The following SLC18A1 variants were observed in gnomAD, a reference collection of about 807,000 sequenced individuals.
SLC18A1 encodes the protein solute carrier family 18 member A1, also known as chromaffin granule amine transporter.
In SLC18A1, 69 loss-of-function variants were observed where a neutral mutation model predicts 53.7. That is an observed-to-expected ratio of 1.28 (90% CI 1.06 to 1.57). SLC18A1 has a LOEUF of 1.57. SLC18A1 is among the 40% of genes most tolerant of loss of function. SLC18A1 has a pLI of 0.00. For synonymous variants in SLC18A1, 320 were observed against 248.1 expected, an observed-to-expected ratio of 1.29 and a Z score of -2.72; for missense variants, 932 against 668.1, an observed-to-expected ratio of 1.40 and a Z score of -4.35.
intron 12 of SLC18A1, chr8:20,148,385 A>T: frequency 9.1e-7 from 1 of 1,100,892 alleles, no homozygotes; most frequent in Non-Finnish European, 1.2e-6. Flanking sequence ...TTCCATGGAT[A>T]CTTTCTCCCC....
chr8:20,178,584 G>A (rs2279708), intron 3 of SLC18A1, 91 bp from the exon 4 acceptor site: 509,042 of 938,188 alleles, frequency 0.54, 141,633 homozygotes, highest in Non-Finnish European at 0.58. Flanking sequence ...GAGCAGAAAT[G>A]CAGCTATTTG....
chr8:20,146,722 G>T (rs1446682450), intron 15 of SLC18A1, among the ~76,000 whole-genome samples: 1 of 151,944 alleles, frequency 6.6e-6, no homozygotes, highest in Non-Finnish European at 1.5e-5. Context: ...TACTTGGGAT[G>T]CCAAGGCAGG....
Position 20,147,602 on chromosome 8 carries a change from C to A in SLC18A1, c.1330+1G>T. ...TGGGGCACCAGGTCCTGCCAACATA[C>A]CTATAGCAAAGCCCATGCAAAAAGC... On this transcript the variant is annotated splice_donor_variant, in intron 14 of 15. Transcript: ENST00000276373. LOFTEE classifies it high-confidence loss of function. 6.2e-7 allele frequency: 1 copy of A among 1,614,128 alleles called. No individual in the cohort carries two copies. The highest frequency in any genetic ancestry group is 8.5e-7 in the Non-Finnish European group (1 of 1,179,994).
intron 8 of SLC18A1, among the ~76,000 whole-genome samples, chr8:20,166,133 G>A (rs1022851423): frequency 6.6e-6 from 1 of 151,720 alleles, no homozygotes; most frequent in Non-Finnish European, 1.5e-5. Flanking sequence ...TGACTCTAAA[G>A]ATTAATGACA....
chr8:20,168,443 GATAA>G lies in SLC18A1; in HGVS notation c.858+2656_858+2659del, dbSNP rs2072027865. On this transcript the variant is annotated intron_variant, in intron 8 of 15. Coordinates refer to ENST00000276373, the MANE Select transcript of SLC18A1 (RefSeq NM_003053.4). ...CCATGATTCTACACTGATAATATCA[GATAA>G]ATAAATGTTTTTTAAGTTTTTTGTG... 4.6e-5 allele frequency among the ~76,000 whole-genome samples: 7 copies of G among 152,144 alleles called. No homozygotes were observed. The South Asian group carries it at 1.5e-3, about 32-fold the overall frequency.
Position 20,179,282 on chromosome 8 carries a change from G to T in SLC18A1, c.327C>A (p.Thr109=), listed in dbSNP as rs756070451. 12 of 1,614,066 alleles carry T rather than the reference G, an allele frequency of 7.4e-6. No individual in the cohort carries two copies. The highest frequency in any genetic ancestry group is 1.6e-4 in the Middle Eastern group (1 of 6,084). ...TGGCTTCAGTGGCTGGAGGTGGGAT[G>T]GTGCTGGCAGTGTCATTCATCCATG... ...GIAWMNDTAS[T]IPPPATEAIS... Residue 109 remains threonine, a synonymous_variant, in exon 3 of 16, where the codon ACC becomes ACA. Transcript: ENST00000276373.
chr8:20,158,466 G>C (rs989806133), intron 10 of SLC18A1, among the ~76,000 whole-genome samples: 16 of 152,134 alleles, frequency 1.1e-4, no homozygotes, highest in African/African-American at 3.6e-4. Context: ...TAATCCTGAA[G>C]TCTGGGCAAC....
chr8:20,148,143 A>G (rs1266962191), intron 12 of SLC18A1, 73 bp from the exon 13 acceptor site: 1 of 1,317,576 alleles, frequency 7.6e-7, no homozygotes, highest in African/African-American at 1.4e-5. Context: ...AAGAGTTTTC[A>G]CATGAAATGC....
intron 10 of SLC18A1, among the ~76,000 whole-genome samples, chr8:20,154,786 C>T (rs928977621): frequency 1.3e-5 from 2 of 152,168 alleles, no homozygotes; most frequent in African/African-American, 4.8e-5. Context: ...TGCAACTGTA[C>T]ACTCTTCTGG....
intron 2 of SLC18A1, 44 bp from the exon 3 acceptor site, chr8:20,179,528 T>C: frequency 1.3e-6 from 2 of 1,562,316 alleles, no homozygotes; most frequent in Non-Finnish European, 1.7e-6. Context: ...AGGACCGATG[T>C]CATCTTACCA....
chr8:20,173,825 A>G (rs1176078078), intron 5 of SLC18A1, among the ~76,000 whole-genome samples: 2 of 152,052 alleles, frequency 1.3e-5, no homozygotes, highest in Admixed American at 1.3e-4. Context: ...GCTGCATCTG[A>G]ATATTAGCAG....
chr8:20,148,579 C>A, intron 12 of SLC18A1: 6 of 747,024 alleles, frequency 8.0e-6, no homozygotes, highest in South Asian at 7.1e-5. Context: ...CTAGAGGGGG[C>A]AGGTGGTGTG....
At chr8:20,170,568 A>C (rs2072087108) in intron 8 of SLC18A1, among the ~76,000 whole-genome samples, 1 of 152,162 alleles carries the variant, frequency 6.6e-6, no homozygotes, top group Admixed American at 6.5e-5. Flanking sequence ...GCTTAGAGTC[A>C]AACAAGTACC....
At chr8:20,151,996 A>C (rs1029362949) in intron 10 of SLC18A1, among the ~76,000 whole-genome samples, 6 of 152,242 alleles carry the variant, frequency 3.9e-5, no homozygotes, top group Non-Finnish European at 8.8e-5. Context: ...AGTTATGTGC[A>C]TGAAATTTAA....
rs571264811 is a variant in SLC18A1 at position 20,174,376 on chromosome 8, A to G, written c.616T>C (p.Phe206Leu). Residue 206 changes from phenylalanine to leucine, a missense_variant, in exon 5 of 16, where the codon TTT (phenylalanine) becomes CTT (leucine). Phe to Leu is a conservative substitution (Grantham distance 22). Transcript: ENST00000276373. ...ARTLQGIGSS[F>L]SSVAGLGMLA... ...CCAGTGTTACCTGCAACAGATGAAA[A>G]TGAAGATCCAATGCCTTGAAGGGTT... 1.6e-5 allele frequency: 26 copies of G among 1,613,788 alleles called. No individual in the cohort carries two copies. In the South Asian group the frequency reaches 2.4e-4, roughly 15 times the overall value.
chr8:20,179,109 C>T lies in SLC18A1; in HGVS notation c.488+12G>A, dbSNP rs201215356. On this transcript the variant is annotated intron_variant, in intron 3 of 15. Transcript: ENST00000276373. ...CTGTGTACCCTGCGGGGCACTGCAC[C>T]CAGTGAGATACCTGTTGGTGAGAGG... is the stretch of plus-strand genomic sequence containing the variant. 1 of 1,604,256 alleles carries T rather than the reference C, an allele frequency of 6.2e-7. No individual in the cohort carries two copies. Among genetic ancestry groups the T allele is most frequent in the Non-Finnish European group, 8.5e-7 (1 of 1,174,262 alleles).
intron 6 of SLC18A1, among the ~76,000 whole-genome samples, chr8:20,172,175 G>C (rs1036833864): frequency 6.6e-6 from 1 of 152,226 alleles, no homozygotes; most frequent in African/African-American, 2.4e-5. Context: ...AAGTGACAAG[G>C]AGCCAGGAGT....
intron 10 of SLC18A1, among the ~76,000 whole-genome samples, chr8:20,160,305 C>G (rs2071792493): frequency 6.7e-6 from 1 of 149,446 alleles, no homozygotes; most frequent in Admixed American, 6.7e-5. Flanking sequence ...CCTAGATACA[C>G]CTCCTTGACA....
intron 4 of SLC18A1, among the ~76,000 whole-genome samples, chr8:20,176,430 A>T (rs762201063): frequency 1.3e-5 from 2 of 152,196 alleles, no homozygotes; most frequent in Non-Finnish European, 2.9e-5. Flanking sequence ...TAAATGACCC[A>T]GCCTCAGGTA....
Sources: allele counts gnomAD v4.1 joint callset (sites outside exome capture counted in the v4.1 genomes callset), GRCh38; gene constraint gnomAD v4.1.1; transcripts MANE v1.5; gene names NCBI Gene and HGNC (gene_info 2026-07-23, HGNC 2026-07-21).